Variants in TRPV3 observed in about 807,000 individuals in gnomAD.
TRPV3 encodes the protein VRL-3.
TRPV3 carries 88 observed loss-of-function variants against 87.1 expected under a neutral mutation model. The observed-to-expected ratio is 1.01, with a 90% CI of 0.85 to 1.21. TRPV3 has a LOEUF of 1.21. TRPV3 is among the 50% of genes most tolerant of loss of function. The pLI is 0.00. For synonymous variants in TRPV3, 438 were observed against 423.3 expected, an observed-to-expected ratio of 1.03 and a Z score of -0.43; for missense variants, 1,054 against 1,030.1, an observed-to-expected ratio of 1.02 and a Z score of -0.32.
intron 11 of TRPV3, 103 bp downstream of exon 11, chr17:3,527,922 C>A: frequency 1.1e-6 from 1 of 919,466 alleles, no homozygotes; most frequent in Non-Finnish European, 1.7e-6. Context: ...GAAGGAAACG[C>A]CTCCCCAGAA....
Position 3,556,960 on chromosome 17 carries a change from G to C in TRPV3, c.-3+716C>G, listed in dbSNP as rs1330684675. ...TTCCTTTCTGAGAAGTGGGCTGAAT[G>C]GTCCCCAAGGACTCTGTGGCCCTGA... is the stretch of plus-strand genomic sequence containing the variant. On this transcript the variant is annotated intron_variant, in intron 1 of 17. Transcript: ENST00000576742. The surrounding 1 kb of genome is among the most constrained non-coding windows in gnomAD (Gnocchi z 4.2). Among the ~76,000 whole-genome samples the C allele has an allele frequency of 6.6e-6, 1 of 152,124 alleles. No homozygotes were observed. The highest frequency in any genetic ancestry group is 1.5e-5 in the Non-Finnish European group (1 of 68,012).
chr17:3,513,831 A>G lies in TRPV3; in HGVS notation c.*86T>C. 3 of 1,189,440 alleles carry G rather than the reference A, an allele frequency of 2.5e-6. No homozygotes were observed. The highest frequency in any genetic ancestry group is 3.7e-6 in the Non-Finnish European group (3 of 810,642). The allele number at this position is 1,189,440 out of a possible 1,614,324, so 73.7% of individuals were successfully genotyped here. A position where few individuals can be genotyped will look rare whatever the true frequency, so the allele number is the denominator to read the frequency against. ...TAGGCCAGCAGAGCCGGACTCCACCATCCCTCAAAGCCTCTCTGCACAGAG... is the reference window on the plus strand; with the variant it reads ...TAGGCCAGCAGAGCCGGACTCCACCGTCCCTCAAAGCCTCTCTGCACAGAG... On this transcript the variant is annotated 3_prime_UTR_variant, in exon 18 of 18. Coordinates refer to ENST00000576742, the MANE Select transcript of TRPV3 (RefSeq NM_145068.4).
intron 14 of TRPV3, among the ~76,000 whole-genome samples, chr17:3,519,422 T>TTGGATGGATGGATGGATGGATGGA (rs59693032): frequency 0.024 from 2,632 of 111,082 alleles, 68 homozygotes; most frequent in Admixed American, 0.064. Flanking sequence ...GGATGGATGA[T>TTGGATGGATGGATGGATGGATGGA]TGGATGGATG....
Position 3,528,043 on chromosome 17 carries a change from C to T in TRPV3, c.1485G>A (p.Met495Ile). 6.2e-7 allele frequency: 1 copy of T among 1,613,698 alleles called. No homozygotes were observed. The highest frequency in any genetic ancestry group is 1.1e-5 in the South Asian group (1 of 91,080). Residue 495 changes from methionine to isoleucine, a missense_variant, in exon 11 of 18, where the codon ATG (methionine) becomes ATA (isoleucine). By Grantham distance (10) the Met-to-Ile change is conservative. Transcript: ENST00000576742. This position sits in a 1 kb window ranked among gnomAD's most constrained non-coding sequence, Gnocchi z 4.2. ...LGRMFVLIWA[M>I]CISVKEGIAI... is the part of the protein sequence containing the mutation. ...CACTTACCTCTTTCACAGAGATGCA[C>T]ATGGCCCAGATGAGCACAAACATCC... is the stretch of plus-strand genomic sequence containing the variant.
intron 2 of TRPV3, among the ~76,000 whole-genome samples, chr17:3,545,637 G>C (rs935782273): frequency 6.6e-6 from 1 of 151,906 alleles, no homozygotes; most frequent in Non-Finnish European, 1.5e-5. Flanking sequence ...GATTCTGAGG[G>C]CCTCAATATT....
intron 2 of TRPV3, chr17:3,552,612 G>A (rs1394095332): frequency 6.6e-6 from 1 of 152,286 alleles, no homozygotes; most frequent in Non-Finnish European, 1.5e-5. Flanking sequence ...GAAGTGGACA[G>A]CAATTTAGGA....
At position 3,516,579 on chromosome 17, in the gene TRPV3, T is replaced by A; in HGVS notation, c.2086-10A>T. ...AGATGGTCCTGGCTCTCTGGGGACA[T>A]AAGCAAGTCTAAGGAGTAGGCATCC... On this transcript the variant is annotated splice_polypyrimidine_tract_variant and intron_variant, in intron 15 of 17. Coordinates refer to ENST00000576742, the MANE Select transcript of TRPV3 (RefSeq NM_145068.4). 6.2e-7 allele frequency: 1 copy of A among 1,604,198 alleles called. No individual in the cohort carries two copies. The highest frequency in any genetic ancestry group is 8.5e-7 in the Non-Finnish European group (1 of 1,170,960).
intron 7 of TRPV3, 70 bp from the exon 8 acceptor site, chr17:3,533,007 T>G: frequency 6.4e-7 from 1 of 1,568,342 alleles, no homozygotes; most frequent in South Asian, 1.2e-5. Context: ...GCCCCAGGAC[T>G]GGGGCCCATA....
At chr17:3,545,841 G>T (rs932545094) in intron 2 of TRPV3, among the ~76,000 whole-genome samples, 8 of 112,968 alleles carry the variant, frequency 7.1e-5, no homozygotes, top group Admixed American at 6.4e-4. Flanking sequence ...AAAAAAAAAA[G>T]TAGCTGGGCA....
Position 3,544,569 on chromosome 17 carries a change from G to A in TRPV3, c.311+10C>T. 4 of 1,583,028 alleles carry A rather than the reference G, an allele frequency of 2.5e-6. No individual in the cohort carries two copies. Among genetic ancestry groups the A allele is most frequent in the South Asian group, 1.1e-5 (1 of 88,622 alleles). ...GGGCACAGTGGGTGGAGGGGGAGGG[G>A]CAGACTTACCTGGGGCTGTTGGGAT... On this transcript the variant is annotated intron_variant, in intron 4 of 17. Coordinates refer to ENST00000576742, the MANE Select transcript of TRPV3 (RefSeq NM_145068.4).
rs1255826449 is a variant in TRPV3, at chr17:3,513,233, T to C, written c.*684A>G. ...ATTCTCAACTGAAATGTCTTTTCCGTATTGCAAGTTAAAACCCTGTGTTAA... is the reference window on the plus strand; with the variant it reads ...ATTCTCAACTGAAATGTCTTTTCCGCATTGCAAGTTAAAACCCTGTGTTAA... On this transcript the variant is annotated 3_prime_UTR_variant, in exon 18 of 18. Transcript: ENST00000576742. 1.3e-5 allele frequency: 2 copies of C among 152,664 alleles called. No homozygotes were observed. The highest frequency in any genetic ancestry group is 4.8e-5 in the African/African-American group (2 of 41,454). 9.5% of individuals were successfully genotyped at this position (152,664 alleles called of 1,614,324 possible).
intron 3 of TRPV3, 109 bp from the exon 4 acceptor site, chr17:3,544,774 A>G (rs2074507875): frequency 1.3e-6 from 1 of 754,012 alleles, no homozygotes; most frequent in Non-Finnish European, 2.2e-6. Context: ...AGGCAGGTGG[A>G]TCACTTGAGG....
chr17:3,549,644 G>T (rs974483817), intron 2 of TRPV3, among the ~76,000 whole-genome samples: 12 of 152,276 alleles, frequency 7.9e-5, no homozygotes, highest in Admixed American at 7.8e-4. Context: ...ATGAGGGATG[G>T]GTGGATGATG....
At chr17:3,554,496 C>G in intron 2 of TRPV3, 2 of 462,924 alleles carry the variant, frequency 4.3e-6, no homozygotes, top group Non-Finnish European at 3.8e-6. Context: ...CCCGATCCCT[C>G]CAAGGAGGCT....
At position 3,529,912 on chromosome 17, in the gene TRPV3, G is replaced by A. The variant is rs1332719645; in HGVS notation, c.1242+115C>T. 48 of 1,208,838 alleles carry A rather than the reference G, an allele frequency of 4.0e-5. No homozygotes were observed. In the East Asian group the frequency reaches 1.1e-3, roughly 28 times the overall value. The allele number at this position is 1,208,838 out of a possible 1,614,324, so 74.9% of individuals were successfully genotyped here. A position where few individuals can be genotyped will look rare whatever the true frequency, so the allele number is the denominator to read the frequency against. On this transcript the variant is annotated intron_variant, in intron 9 of 17. Coordinates refer to ENST00000576742, the MANE Select transcript of TRPV3 (RefSeq NM_145068.4). ...TCACTGAGGCAACAGAGTGGGGTATGCAGATGCCGAGGGATGGAGCTGGCA... is the reference window on the plus strand; with the variant it reads ...TCACTGAGGCAACAGAGTGGGGTATACAGATGCCGAGGGATGGAGCTGGCA...
chr17:3,534,872 G>T (rs1597480880), intron 7 of TRPV3, among the ~76,000 whole-genome samples: 1 of 152,174 alleles, frequency 6.6e-6, no homozygotes, highest in East Asian at 1.9e-4. Flanking sequence ...CCTGTAAAAT[G>T]GGGCTGCCTC....
chr17:3,523,925 G>T (rs1161185843), intron 13 of TRPV3, among the ~76,000 whole-genome samples: 1 of 141,552 alleles, frequency 7.1e-6, no homozygotes, highest in African/African-American at 3.0e-5. Context: ...CACACACACA[G>T]AACAGTCGTT....
rs754885478 is a variant in TRPV3, at chr17:3,542,707, A to C, written c.467-9T>G. The C allele has an allele frequency of 6.2e-7, 1 of 1,612,628 alleles. No homozygotes were observed. The highest frequency in any genetic ancestry group is 8.5e-7 in the Non-Finnish European group (1 of 1,179,240). On this transcript the variant is annotated splice_polypyrimidine_tract_variant and intron_variant, in intron 5 of 17. Coordinates refer to ENST00000576742, the MANE Select transcript of TRPV3 (RefSeq NM_145068.4). ...CTTGTGCATGAGGAAGTCTGCAGGC[A>C]GGGCCATGGGTGGAGTTACAGGAGG...
In TRPV3 at chr17:3,524,499, G is replaced by T. The variant is rs139633806; in HGVS notation, c.1578-136C>A. 127 of 1,074,464 alleles carry T rather than the reference G, an allele frequency of 1.2e-4. No homozygotes were observed. The African/African-American group carries it at 1.8e-3, about 15-fold the overall frequency. The allele number at this position is 1,074,464 out of a possible 1,614,324, so 66.6% of individuals were successfully genotyped here. ...CGGATGCTGAAGAGACCAGAATCAC[G>T]CTGCCTCAGATCCATTTGGCTACCA... On this transcript the variant is annotated intron_variant, in intron 12 of 17. Coordinates refer to ENST00000576742, the MANE Select transcript of TRPV3 (RefSeq NM_145068.4).
Sources: allele counts gnomAD v4.1 joint callset (sites outside exome capture counted in the v4.1 genomes callset), GRCh38; gene constraint gnomAD v4.1.1; non-coding constraint Gnocchi (gnomAD v3.1); transcripts MANE v1.5; gene names NCBI Gene and HGNC (gene_info 2026-07-23, HGNC 2026-07-21).